The following PLXNA4 variants were observed in gnomAD, a reference collection of about 807,000 sequenced individuals.
PLXNA4 encodes the protein plexin-A4.
A neutral mutation model predicts 191.8 loss-of-function variants in PLXNA4; 44 were observed. That is an observed-to-expected ratio of 0.23 (90% CI 0.18 to 0.29). PLXNA4 has a LOEUF of 0.29. Among genes scored for constraint, PLXNA4 ranks in the 10% least tolerant of loss-of-function variants. The probability of loss-of-function intolerance (pLI) is 1.00; values close to 1 mark genes in which losing one functional copy is unlikely to be tolerated. For missense variants in PLXNA4, 1,800 were observed against 2,488.8 expected, an observed-to-expected ratio of 0.72 and a Z score of 5.89; for synonymous variants, 1,082 against 1,009.5, an observed-to-expected ratio of 1.07 and a Z score of -1.36.
chr7:132,372,429 C>G (rs1023315849), intron 3 of PLXNA4, among the ~76,000 whole-genome samples: 1 of 152,270 alleles, frequency 6.6e-6, no homozygotes, highest in Non-Finnish European at 1.5e-5. Context: ...GGAGTCCCTC[C>G]TGTTCCTTTA....
chr7:132,627,234 T>C (rs1334927807), intron 2 of PLXNA4, among the ~76,000 whole-genome samples: 2 of 152,188 alleles, frequency 1.3e-5, no homozygotes, highest in African/African-American at 4.8e-5. Flanking sequence ...AATAACATGC[T>C]TATGCTTCTA....
chr7:132,130,483 C>T lies in PLXNA4; in HGVS notation c.5681G>A (p.Ser1894Asn). ...GCGGCCCTGGAAGGACGGTTCTCAG[C>T]TGTCTAAGCTCATGAGGGTTATGAC... ...EQVITLMSLD[S>N] Residue 1894 changes from serine to asparagine, a missense_variant, in exon 32 of 32, where the codon AGC becomes AAC. By Grantham distance (46) the Ser-to-Asn change is conservative (BLOSUM62 1). Around this residue, in one of 6 missense-constraint regions of PLXNA4, gnomAD observed 83 missense variants for 81.6 expected, o/e 1.02. Coordinates refer to ENST00000321063, the MANE Select transcript of PLXNA4 (RefSeq NM_020911.2). 2 of 1,614,176 alleles carry T rather than the reference C, an allele frequency of 1.2e-6. No individual in the cohort carries two copies. The highest frequency in any genetic ancestry group is 1.7e-6 in the Non-Finnish European group (2 of 1,180,014).
Position 132,128,823 on chromosome 7 carries a change from C to T in PLXNA4, c.*1656G>A, listed in dbSNP as rs1383628623. The T allele has an allele frequency of 6.6e-6, 1 of 152,230 alleles. No individual in the cohort carries two copies. The highest frequency in any genetic ancestry group is 1.5e-5 in the Non-Finnish European group (1 of 68,052). The allele number at this position is 152,230 out of a possible 1,614,324, so 9.4% of individuals were successfully genotyped here. On this transcript the variant is annotated 3_prime_UTR_variant, in exon 32 of 32. Coordinates refer to ENST00000321063, the MANE Select transcript of PLXNA4 (RefSeq NM_020911.2). ...GACTGTGAATCCTTCTCCTCAACCTCACCTAAGATGTTTCTCCTTGTCTCC... is the reference window on the plus strand; with the variant it reads ...GACTGTGAATCCTTCTCCTCAACCTTACCTAAGATGTTTCTCCTTGTCTCC...
intron 1 of PLXNA4, among the ~76,000 whole-genome samples, chr7:132,518,445 C>G (rs1460859712): frequency 6.6e-6 from 1 of 152,200 alleles, no homozygotes; most frequent in Admixed American, 6.5e-5. Context: ...GCCATGGGAG[C>G]CCTCCTTCCG....
chr7:132,569,799 G>A (rs1027481961), intron 1 of PLXNA4, among the ~76,000 whole-genome samples: 1 of 152,228 alleles, frequency 6.6e-6, no homozygotes, highest in East Asian at 1.9e-4. Context: ...GATAGGCTCT[G>A]AAGAAGGCTG....
At chr7:132,539,463 T>C (rs1312992227) in intron 1 of PLXNA4, among the ~76,000 whole-genome samples, 1 of 152,212 alleles carries the variant, frequency 6.6e-6, no homozygotes, top group African/African-American at 2.4e-5. Context: ...GCTTCAGACC[T>C]ACAAAATCAG....
At chr7:132,285,201 C>G (rs1800639368) in intron 4 of PLXNA4, among the ~76,000 whole-genome samples, 2 of 152,146 alleles carry the variant, frequency 1.3e-5, no homozygotes, top group Admixed American at 1.3e-4. Flanking sequence ...TAGGATATTC[C>G]CATTTTGTCG....
Position 132,133,085 on chromosome 7 carries a change from T to C in PLXNA4, c.5553A>G (p.Ser1851=), listed in dbSNP as rs1034959959. The C allele has an allele frequency of 1.9e-6, 3 of 1,614,188 alleles. No homozygotes were observed. The highest frequency in any genetic ancestry group is 2.5e-6 in the Non-Finnish European group (3 of 1,180,020). The change falls in exon 31 of 32, where the codon TCA becomes TCG. Residue 1851 remains serine, a synonymous_variant. Coordinates refer to ENST00000321063, the MANE Select transcript of PLXNA4 (RefSeq NM_020911.2). ...ATTTGCCCACATAGGAGAAGATCTC[T>C]GAGAGTGCACTCATGGTGTTGAACT... ...MNEFNTMSAL[S]EIFSYVGKYS...
At chr7:132,196,980 G>C (rs554406044) in intron 13 of PLXNA4, among the ~76,000 whole-genome samples, 11 of 151,998 alleles carry the variant, frequency 7.2e-5, no homozygotes, top group African/African-American at 2.7e-4. Flanking sequence ...CTGTAATAGG[G>C]TATAACCATA....
chr7:132,194,939 GTGTATATATATCTA>G (rs1456913908), intron 13 of PLXNA4, among the ~76,000 whole-genome samples: 3 of 151,514 alleles, frequency 2.0e-5, no homozygotes. Flanking sequence ...AAATATATAT[GTGTATATATATCTA>G]TGTATATATG....
intron 7 of PLXNA4, 39 bp from the exon 8 acceptor site, chr7:132,226,299 G>T: frequency 6.4e-7 from 1 of 1,553,130 alleles, no homozygotes; most frequent in Non-Finnish European, 8.9e-7. Flanking sequence ...GGAATGCTGA[G>T]GCCCCAAGCC....
intron 30 of PLXNA4, among the ~76,000 whole-genome samples, chr7:132,133,548 C>T (rs1563049337): frequency 1.3e-5 from 2 of 152,096 alleles, no homozygotes; most frequent in African/African-American, 4.8e-5. Context: ...GTTTCTCTAA[C>T]GCCCCTCCCA....
intron 3 of PLXNA4, among the ~76,000 whole-genome samples, chr7:132,335,548 C>T (rs1442943330): frequency 1.3e-5 from 2 of 152,174 alleles, no homozygotes; most frequent in Non-Finnish European, 2.9e-5. Flanking sequence ...ACCCCCACCC[C>T]CGGCACCGGC....
chr7:132,563,200 TTCCTCCTCC>T (rs1281793858), intron 1 of PLXNA4, among the ~76,000 whole-genome samples: 1 of 22,940 alleles, frequency 4.4e-5, no homozygotes, highest in African/African-American at 1.3e-4. Flanking sequence ...CCTCCTCCTC[TTCCTCCTCC>T]TCCTCCTCCT....
At chr7:132,305,294 C>T (rs1253671481) in intron 3 of PLXNA4, among the ~76,000 whole-genome samples, 2 of 152,124 alleles carry the variant, frequency 1.3e-5, no homozygotes, top group South Asian at 2.1e-4. Flanking sequence ...GCCTGTGCCA[C>T]ACAGAAACCT....
chr7:132,141,540 A>G (rs568473092), intron 29 of PLXNA4, among the ~76,000 whole-genome samples: 14 of 152,276 alleles, frequency 9.2e-5, no homozygotes, highest in African/African-American at 2.9e-4. Context: ...TGGTGGGTTC[A>G]TGGAAAGGCA....
At chr7:132,180,067 G>A in intron 19 of PLXNA4, 146 bp from the exon 20 acceptor site, 7 of 1,386,028 alleles carry the variant, frequency 5.1e-6, no homozygotes, top group African/African-American at 1.4e-5. Flanking sequence ...GAGGGCATGG[G>A]GGGCTGGGAG....
intron 3 of PLXNA4, among the ~76,000 whole-genome samples, chr7:132,392,630 T>C (rs1266211353): frequency 6.6e-6 from 1 of 152,220 alleles, no homozygotes; most frequent in East Asian, 1.9e-4. Flanking sequence ...CAGTGAGGTG[T>C]GGCGCAGAGC....
intron 4 of PLXNA4, among the ~76,000 whole-genome samples, chr7:132,281,510 A>G (rs554700329): frequency 6.6e-6 from 1 of 152,164 alleles, no homozygotes; most frequent in Non-Finnish European, 1.5e-5. Flanking sequence ...CCAAGTTTTA[A>G]AAGTTTTAAG....
Sources: allele counts gnomAD v4.1 joint callset (sites outside exome capture counted in the v4.1 genomes callset), GRCh38; gene constraint gnomAD v4.1.1; regional missense constraint gnomAD v4.1.1; transcripts MANE v1.5; gene names NCBI Gene and HGNC (gene_info 2026-07-23, HGNC 2026-07-21).